Variants in ZNF285 observed in about 807,000 individuals in gnomAD.
The protein encoded by ZNF285 is zinc finger protein 285.
ZNF285 carries 4 observed loss-of-function variants against 6.2 expected under a neutral mutation model. The observed-to-expected ratio is 0.65, with a 90% CI of 0.32 to 1.49. The LOEUF is 1.49. Ranked by LOEUF, ZNF285 falls within the 40% of genes most tolerant of loss-of-function variation. ZNF285 has a pLI of 0.07. For missense variants in ZNF285, 695 were observed against 708.8 expected (o/e 0.98, Z 0.22); for synonymous variants, 240 against 245.8 (o/e 0.98, Z 0.22).
intron 2 of ZNF285, among the ~76,000 whole-genome samples, chr19:44,392,824 A>G (rs1971220225): frequency 6.6e-6 from 1 of 152,188 alleles, no homozygotes; most frequent in Non-Finnish European, 1.5e-5. Context: ...GCACAGATAA[A>G]TCTATACTAA....
In ZNF285 at chr19:44,387,403, G is replaced by C; in HGVS notation, c.842C>G (p.Thr281Ser). The change falls in exon 4 of 4, where the codon ACT (threonine) becomes AGT (serine). Residue 281 changes from threonine (T) to serine (S), a missense_variant. Physicochemically the swap from Thr to Ser is moderately conservative, Grantham distance 58. Coordinates refer to ENST00000614994, the MANE Select transcript of ZNF285 (RefSeq NM_152354.6). ...TTCATAGGGAGTCTTGCCAGAGTGA[G>C]TTTTACAATGAACGATAAGATCTTG... ...QSQDLIVHCK[T>S]HSGKTPYEFH... The C allele has an allele frequency of 6.2e-7, 1 of 1,614,142 alleles. No homozygotes were observed. The highest frequency in any genetic ancestry group is 8.5e-7 in the Non-Finnish European group (1 of 1,180,028).
At chr19:44,388,304 G>A (rs546730507) in intron 3 of ZNF285, among the ~76,000 whole-genome samples, 2 of 152,006 alleles carry the variant, frequency 1.3e-5, no homozygotes, top group South Asian at 4.1e-4. Context: ...TCTTGGCCAG[G>A]TGCAGTGGCT....
Position 44,385,185 on chromosome 19 carries a change from T to C in ZNF285, c.*1287A>G, listed in dbSNP as rs1971050371. ...ATGAACACTGTTGGTTTTTTACATG[T>C]TGTTGGTCACTTTAGTAAATGTTGA... On this transcript the variant is annotated 3_prime_UTR_variant, in exon 4 of 4. Transcript: ENST00000614994. 1 of 152,182 alleles carries C rather than the reference T, an allele frequency of 6.6e-6. No individual in the cohort carries two copies. Among genetic ancestry groups the C allele is most frequent in the Non-Finnish European group, 1.5e-5 (1 of 68,032 alleles). The allele number at this position is 152,182 out of a possible 1,614,324, so 9.4% of individuals were successfully genotyped here.
In ZNF285 at chr19:44,396,954, G is replaced by T. The variant is rs572601842; in HGVS notation, c.15+245C>A. 778 of 548,260 alleles carry T rather than the reference G, an allele frequency of 1.4e-3. 1 individual carries two copies. Among genetic ancestry groups the T allele is most frequent in the Non-Finnish European group, 2.3e-3 (700 of 303,496 alleles). The allele number at this position is 548,260 out of a possible 1,614,324, so 34.0% of individuals were successfully genotyped here. ...ATCGGGCAGTGATAAGCAGTTCATG[G>T]ACTGGTACTGATACATGAACTACAC... On this transcript the variant is annotated intron_variant, in intron 2 of 3. Coordinates refer to ENST00000614994, the MANE Select transcript of ZNF285 (RefSeq NM_152354.6).
At chr19:44,394,979 A>G (rs2571126) in intron 2 of ZNF285, among the ~76,000 whole-genome samples, 49,737 of 151,938 alleles carry the variant, frequency 0.33, 11,535 homozygotes, top group East Asian at 0.75. Flanking sequence ...AGGAAGAAGG[A>G]GTTAGGAATA....
intron 3 of ZNF285, among the ~76,000 whole-genome samples, chr19:44,388,567 T>C (rs1971138963): frequency 6.6e-6 from 1 of 151,906 alleles, no homozygotes; most frequent in Non-Finnish European, 1.5e-5. Context: ...GCAAGACCTT[T>C]CCACCCCCAC....
At chr19:44,397,057 G>T (rs1316698903) in intron 2 of ZNF285, 142 bp downstream of exon 2, 3 of 1,218,974 alleles carry the variant, frequency 2.5e-6, no homozygotes, top group Non-Finnish European at 2.3e-6. Flanking sequence ...CAAACCACCT[G>T]CCTCACAAAG....
In ZNF285 at chr19:44,384,566, G is replaced by A. The variant is rs1301638984; in HGVS notation, c.*1906C>T. 1 of 152,060 alleles carries A rather than the reference G, an allele frequency of 6.6e-6. No homozygotes were observed. Among genetic ancestry groups the A allele is most frequent in the African/African-American group, 2.4e-5 (1 of 41,390 alleles). 9.4% of individuals were successfully genotyped at this position (152,060 alleles called of 1,614,324 possible). A position where few individuals can be genotyped will look rare whatever the true frequency, so the allele number is the denominator to read the frequency against. Reference sequence around the variant, plus strand: ...TGGTTTTATTTGCACTTGAATGGCTGTTCTGTTTACAAACTATAACTAGCA... The same window carrying A: ...TGGTTTTATTTGCACTTGAATGGCTATTCTGTTTACAAACTATAACTAGCA... On this transcript the variant is annotated 3_prime_UTR_variant, in exon 4 of 4. Coordinates refer to ENST00000614994, the MANE Select transcript of ZNF285 (RefSeq NM_152354.6).
At chr19:44,391,674 C>T (rs1971198510) in intron 3 of ZNF285, among the ~76,000 whole-genome samples, 1 of 151,978 alleles carries the variant, frequency 6.6e-6, no homozygotes, top group Admixed American at 6.6e-5. Context: ...CTACCAGGCC[C>T]CTCCCACAAC....
chr19:44,394,623 T>C (rs1013392641), intron 2 of ZNF285: 22 of 523,144 alleles, frequency 4.2e-5, no homozygotes, highest in African/African-American at 3.1e-4. Flanking sequence ...AATTTTTACA[T>C]AAAATATTTC....
chr19:44,401,257 C>T (rs752901800), intron 1 of ZNF285, among the ~76,000 whole-genome samples: 7 of 152,174 alleles, frequency 4.6e-5, no homozygotes, highest in Non-Finnish European at 8.8e-5. Flanking sequence ...CAAGACTGAC[C>T]CTAAGCTTCG....
Position 44,386,685 on chromosome 19 carries a change from G to C in ZNF285, c.1560C>G (p.Gly520=), listed in dbSNP as rs761031949. The change falls in exon 4 of 4, where the codon GGC becomes GGG. Residue 520 remains glycine, a synonymous_variant. Coordinates refer to ENST00000614994, the MANE Select transcript of ZNF285 (RefSeq NM_152354.6). The part of the protein sequence containing the change: ...KPYKCDECGK[G]FSRNSDLNVH... ...CATTAAGATCTGAATTCCGGCTGAA[G>C]CCTTTACCACACTCATCACATTTAT... The C allele has an allele frequency of 6.2e-6, 10 of 1,614,128 alleles. No individual in the cohort carries two copies. The highest frequency in any genetic ancestry group is 8.5e-6 in the Non-Finnish European group (10 of 1,180,026).
intron 2 of ZNF285, among the ~76,000 whole-genome samples, chr19:44,395,519 T>TA (rs1555721998): frequency 6.6e-6 from 1 of 152,200 alleles, no homozygotes; most frequent in Non-Finnish European, 1.5e-5. Flanking sequence ...AACCAACTGT[T>TA]AAAAAATTTT....
At chr19:44,396,062 T>C (rs1971275528) in intron 2 of ZNF285, among the ~76,000 whole-genome samples, 1 of 152,154 alleles carries the variant, frequency 6.6e-6, no homozygotes, top group African/African-American at 2.4e-5. Context: ...ATCTTGGACT[T>C]GGGCAAGATG....
rs1254528468 is a variant in ZNF285, at chr19:44,385,857, G to C, written c.*615C>G. The C allele has an allele frequency of 6.5e-6, 1 of 153,574 alleles. No individual in the cohort carries two copies. The highest frequency in any genetic ancestry group is 2.4e-5 in the African/African-American group (1 of 41,412). The allele number at this position is 153,574 out of a possible 1,614,324, so 9.5% of individuals were successfully genotyped here. ...CCATTGGCTAGAACTCAATCACATG[G>C]GCACACTCTTAACTGCAAGGGTTAC... is the stretch of plus-strand genomic sequence containing the variant. On this transcript the variant is annotated 3_prime_UTR_variant, in exon 4 of 4. Transcript: ENST00000614994.
intron 3 of ZNF285, among the ~76,000 whole-genome samples, chr19:44,389,589 A>G (rs1971158740): frequency 6.6e-6 from 1 of 152,090 alleles, no homozygotes; most frequent in Non-Finnish European, 1.5e-5. Context: ...CACTTCGATA[A>G]ATTCTTCTGT....
chr19:44,388,086 GT>G lies in ZNF285; in HGVS notation c.158del (p.Asn53ThrfsTer4). On this transcript the variant is annotated frameshift_variant, in exon 4 of 4. Coordinates refer to ENST00000614994, the MANE Select transcript of ZNF285 (RefSeq NM_152354.6). LOFTEE classifies it low-confidence loss of function (END_TRUNC). ...CCTTTGCCTGAAGATTCAAAATGTT[GT>G]TTTTAATCCCGTCTCCTAGGAGAAG... ...NLMLVRDGIK[N>X]NILNLQAKGL... is the part of the protein sequence containing the mutation. The G allele has an allele frequency of 6.2e-7, 1 of 1,613,136 alleles. No individual in the cohort carries two copies.
chr19:44,399,184 G>A (rs1473150077), intron 1 of ZNF285, among the ~76,000 whole-genome samples: 1 of 147,724 alleles, frequency 6.8e-6, no homozygotes, highest in African/African-American at 2.6e-5. Context: ...AATGTGAAAT[G>A]TCTTTTTGGT....
Position 44,387,112 on chromosome 19 carries a change from C to T in ZNF285, c.1133G>A (p.Gly378Glu). The T allele has an allele frequency of 6.2e-7, 1 of 1,614,172 alleles. No homozygotes were observed. Among genetic ancestry groups the T allele is most frequent in the Non-Finnish European group, 8.5e-7 (1 of 1,180,032 alleles). The change falls in exon 4 of 4, where the codon GGG (glycine) becomes GAG (glutamate). Residue 378 changes from glycine to glutamate, a missense_variant. Coordinates refer to ENST00000614994, the MANE Select transcript of ZNF285 (RefSeq NM_152354.6). ...GTTGGAGCTCTGATCAAAGCCCTTC[C>T]CACACTCTTCACATTTATAGGGCTT... ...GKKPYKCEEC[G>E]KGFDQSSNLL...
Sources: allele counts gnomAD v4.1 joint callset (sites outside exome capture counted in the v4.1 genomes callset), GRCh38; gene constraint gnomAD v4.1.1; transcripts MANE v1.5; gene names NCBI Gene and HGNC (gene_info 2026-07-23, HGNC 2026-07-21).